The following GNAL variants were observed in gnomAD, a reference collection of about 807,000 sequenced individuals.
GNAL encodes guanine nucleotide-binding protein G(olf) subunit alpha.
GNAL carries 18 observed loss-of-function variants against 55.1 expected under a neutral mutation model. The ratio of observed to expected loss-of-function variants is 0.33; its 90% CI spans 0.23 to 0.48. GNAL has a LOEUF of 0.48. GNAL is among the 20% of genes least tolerant of loss of function. GNAL has a pLI of 0.99. For missense variants in GNAL, 412 were observed against 614.1 expected (o/e 0.67, Z 3.48); for synonymous variants, 253 against 237.0 (o/e 1.07, Z -0.62).
chr18:11,743,523 T>G (rs549995894), intron 1 of GNAL, among the ~76,000 whole-genome samples: 8 of 152,346 alleles, frequency 5.3e-5, no homozygotes, highest in African/African-American at 1.9e-4. Flanking sequence ...TCATAAAATA[T>G]TCCCTCAGAA....
intron 4 of GNAL, among the ~76,000 whole-genome samples, chr18:11,798,702 A>C (rs771086069): frequency 2.2e-4 from 33 of 152,330 alleles, no homozygotes; most frequent in Admixed American, 2.6e-4. Context: ...AAAGATGTTA[A>C]ATGCCTTCAT....
rs1193872766 is a variant in GNAL, at chr18:11,751,526, C to T, written c.377-1327C>T. ...TGTGACTGGTGAGCCTCGGAGGGAT[C>T]CTCCTCCCTGCTAGAATATGCATGA... is the stretch of plus-strand genomic sequence containing the variant. On this transcript the variant is annotated intron_variant, in intron 1 of 11. Transcript: ENST00000334049. The surrounding 1 kb of genome is among the most constrained non-coding windows in gnomAD (Gnocchi z 4.5). The T allele has an allele frequency of 3.0e-6, 3 of 985,442 alleles. No homozygotes were observed. Among genetic ancestry groups the T allele is most frequent in the Non-Finnish European group, 3.6e-6 (3 of 829,920 alleles). 61.0% of individuals were successfully genotyped at this position (985,442 alleles called of 1,614,324 possible).
intron 7 of GNAL, 63 bp downstream of exon 7, chr18:11,864,669 G>A: frequency 1.1e-6 from 1 of 916,016 alleles, no homozygotes. Flanking sequence ...CCGAAGGGCT[G>A]TGAGGTTTAA....
At position 11,764,740 on chromosome 18, in the gene GNAL, A is replaced by G. The variant is rs116445091; in HGVS notation, c.624+10795A>G. On this transcript the variant is annotated intron_variant, in intron 4 of 11. Transcript: ENST00000334049. ...CAGTGAGCCATGATCCAGCCACTGC[A>G]CTCCTGCCTGGGCGGCAGAGTGAGA... Among the ~76,000 whole-genome samples the G allele has an allele frequency of 4.9e-3, 752 of 152,176 alleles. 4 individuals are homozygous for G. Among genetic ancestry groups the G allele is most frequent in the African/African-American group, 0.017 (714 of 41,532 alleles).
Position 11,751,520 on chromosome 18 carries a change from A to G in GNAL, c.377-1333A>G, listed in dbSNP as rs933839676. 112 of 985,382 alleles carry G rather than the reference A, an allele frequency of 1.1e-4. No individual in the cohort carries two copies. Among genetic ancestry groups the G allele is most frequent in the Non-Finnish European group, 1.3e-4 (109 of 829,984 alleles). The allele number at this position is 985,382 out of a possible 1,614,324, so 61.0% of individuals were successfully genotyped here. ...AGGCGGTGTGACTGGTGAGCCTCGG[A>G]GGGATCCTCCTCCCTGCTAGAATAT... On this transcript the variant is annotated intron_variant, in intron 1 of 11. Coordinates refer to ENST00000334049, the MANE Select transcript of GNAL (RefSeq NM_182978.4). The surrounding 1 kb of genome is among the most constrained non-coding windows in gnomAD (Gnocchi z 4.5).
rs938702621 is a variant in GNAL, at chr18:11,884,229, G to C, written c.*3094G>C. 2 of 538,016 alleles carry C rather than the reference G, an allele frequency of 3.7e-6. No homozygotes were observed. The highest frequency in any genetic ancestry group is 3.8e-5 in the African/African-American group (2 of 52,986). 33.3% of individuals were successfully genotyped at this position (538,016 alleles called of 1,614,324 possible). ...TGATACATATATTTGATAAAAATGA[G>C]AAAACAGATTTGTTGTAGAGTACCT... On this transcript the variant is annotated 3_prime_UTR_variant, in exon 12 of 12. Coordinates refer to ENST00000334049, the MANE Select transcript of GNAL (RefSeq NM_182978.4).
intron 1 of GNAL, among the ~76,000 whole-genome samples, chr18:11,729,630 T>G (rs1278834409): frequency 6.6e-6 from 1 of 152,210 alleles, no homozygotes; most frequent in African/African-American, 2.4e-5. Context: ...GCAGATTATA[T>G]ATTCTGTGCG....
In GNAL at chr18:11,752,676, G is replaced by A; in HGVS notation, c.377-177G>A. 1.6e-6 allele frequency: 2 copies of A among 1,277,442 alleles called. No homozygotes were observed. The highest frequency in any genetic ancestry group is 1.6e-5 in the African/African-American group (1 of 63,122). 79.1% of individuals were successfully genotyped at this position (1,277,442 alleles called of 1,614,324 possible). A position where few individuals can be genotyped will look rare whatever the true frequency, so the allele number is the denominator to read the frequency against. On this transcript the variant is annotated intron_variant, in intron 1 of 11. Coordinates refer to ENST00000334049, the MANE Select transcript of GNAL (RefSeq NM_182978.4). This position sits in a 1 kb window ranked among gnomAD's most constrained non-coding sequence, Gnocchi z 4.5. Reference sequence around the variant, plus strand: ...GGGCGGGCAGGGCCGGGCGAGGGTCGCGCGCACCTCTGGGCCGCGGAGCCC... The same window carrying A: ...GGGCGGGCAGGGCCGGGCGAGGGTCACGCGCACCTCTGGGCCGCGGAGCCC...
intron 1 of GNAL, among the ~76,000 whole-genome samples, chr18:11,696,729 C>T (rs2031425698): frequency 6.6e-6 from 1 of 152,176 alleles, no homozygotes; most frequent in African/African-American, 2.4e-5. Context: ...AAGTTCAGAA[C>T]ACTCTGTCAA....
chr18:11,811,262 T>G (rs1249326497), intron 4 of GNAL: 1 of 153,266 alleles, frequency 6.5e-6, no homozygotes, highest in East Asian at 1.9e-4. Flanking sequence ...CCCACGGCTG[T>G]GCTTGTCCTC....
At chr18:11,872,433 A>G (rs1416504453) in intron 10 of GNAL, 35 bp downstream of exon 10, 15 of 1,387,338 alleles carry the variant, frequency 1.1e-5, no homozygotes, top group Non-Finnish European at 1.5e-5. Context: ...TGATTGAGGA[A>G]TAGAATTGTT....
intron 1 of GNAL, among the ~76,000 whole-genome samples, chr18:11,735,519 G>C (rs28391074): frequency 0.12 from 17,638 of 152,022 alleles, 2,059 homozygotes; most frequent in African/African-American, 0.31. Context: ...AGGAGGCTGA[G>C]GCAGGAGAAT....
At chr18:11,796,087 C>T (rs2034371204) in intron 4 of GNAL, among the ~76,000 whole-genome samples, 1 of 152,154 alleles carries the variant, frequency 6.6e-6, no homozygotes, top group South Asian at 2.1e-4. Context: ...AAGTAACCAT[C>T]CCTCCTTAAC....
intron 5 of GNAL, among the ~76,000 whole-genome samples, chr18:11,841,240 T>C (rs566705893): frequency 1.3e-5 from 2 of 152,252 alleles, no homozygotes; most frequent in African/African-American, 2.4e-5. Flanking sequence ...CCTACAAATA[T>C]GTTAAGATTT....
chr18:11,757,214 A>G (rs1426516342), intron 4 of GNAL, among the ~76,000 whole-genome samples: 1 of 152,180 alleles, frequency 6.6e-6, no homozygotes, highest in Non-Finnish European at 1.5e-5. Flanking sequence ...TTGTAACAGA[A>G]AGCAGGCAAA....
chr18:11,696,387 C>T (rs2031414073), intron 1 of GNAL, among the ~76,000 whole-genome samples: 2 of 151,962 alleles, frequency 1.3e-5, no homozygotes, highest in South Asian at 2.1e-4. Context: ...CACCTGTAGT[C>T]CCAGCTACTC....
At position 11,871,254 on chromosome 18, in the gene GNAL, T is replaced by TC. The variant is rs1443689110; in HGVS notation, c.1032-1014_1032-1013insC. 5.8e-4 allele frequency among the ~76,000 whole-genome samples: 80 copies of TC among 136,998 alleles called. 3 individuals carry two copies. The highest frequency in any genetic ancestry group is 9.0e-4 in the African/African-American group (31 of 34,590). 89.9% of individuals were successfully genotyped at this position (136,998 alleles called of 152,430 possible). On this transcript the variant is annotated intron_variant, in intron 9 of 11. Coordinates refer to ENST00000334049, the MANE Select transcript of GNAL (RefSeq NM_182978.4). ...GATTGTGTGTGTGGGTTTTTCTTTCTTTTTTTTTTTTTTTGAGACAGAGTC... is the reference window on the plus strand; with the variant it reads ...GATTGTGTGTGTGGGTTTTTCTTTCTCTTTTTTTTTTTTTTGAGACAGAGTC...
intron 6 of GNAL, among the ~76,000 whole-genome samples, 161 bp from the exon 7 acceptor site, chr18:11,864,372 C>T (rs569756910): frequency 1.1e-3 from 161 of 152,212 alleles, no homozygotes; most frequent in Non-Finnish European, 1.9e-3. Context: ...GGATTACAGG[C>T]GTGAGTCACC....
intron 5 of GNAL, chr18:11,853,308 A>G (rs1182495690): frequency 4.2e-5 from 7 of 167,142 alleles, no homozygotes. Flanking sequence ...CTTTAAGGCT[A>G]GAGCCCAGCT....
Sources: gnomAD v4.1 joint callset for allele counts (sites outside exome capture counted in the v4.1 genomes callset) on GRCh38, gnomAD v4.1.1 for gene constraint, Gnocchi (gnomAD v3.1) non-coding constraint, MANE v1.5 for transcripts, NCBI Gene and HGNC (gene_info 2026-07-23, HGNC 2026-07-21) for gene names.